MINDY3: variants seen among roughly 807,000 people sequenced by gnomAD.
MINDY3 encodes ubiquitin carboxyl-terminal hydrolase MINDY-3.
In MINDY3, 38 loss-of-function variants were observed where a neutral mutation model predicts 69.2. The ratio of observed to expected loss-of-function variants is 0.55; its 90% CI spans 0.42 to 0.72. The LOEUF is 0.72. MINDY3 is among the 30% of genes least tolerant of loss of function. The pLI, the probability that MINDY3 is intolerant of heterozygous loss-of-function variation, is 0.00. For synonymous variants in MINDY3, 192 were observed against 180.1 expected, an observed-to-expected ratio of 1.07 and a Z score of -0.53; for missense variants, 522 against 519.0, an observed-to-expected ratio of 1.01 and a Z score of -0.06.
intron 11 of MINDY3, among the ~76,000 whole-genome samples, chr10:15,791,001 A>G (rs1467141151): frequency 1.3e-5 from 2 of 152,266 alleles, no homozygotes; most frequent in East Asian, 3.9e-4. Flanking sequence ...CTTCTTAACA[A>G]CATGCTTATA....
intron 10 of MINDY3, among the ~76,000 whole-genome samples, chr10:15,803,104 A>C (rs1156485901): frequency 1.3e-5 from 2 of 152,178 alleles, no homozygotes; most frequent in African/African-American, 4.8e-5. Flanking sequence ...TCACTGTAGA[A>C]AATGATCTTT....
intron 10 of MINDY3, among the ~76,000 whole-genome samples, chr10:15,800,725 T>G (rs775938855): frequency 2.6e-5 from 4 of 152,150 alleles, no homozygotes; most frequent in Non-Finnish European, 4.4e-5. Flanking sequence ...GCTGCTGTGG[T>G]TGCTCACTAT....
intron 4 of MINDY3, among the ~76,000 whole-genome samples, chr10:15,838,483 T>C (rs1352444022): frequency 6.6e-6 from 1 of 151,798 alleles, no homozygotes; most frequent in Non-Finnish European, 1.5e-5. Flanking sequence ...ATCGATATAA[T>C]ACTGAGAATA....
In MINDY3 at chr10:15,786,661, A is replaced by G; in HGVS notation, c.1029-13T>C. 1.3e-6 allele frequency: 2 copies of G among 1,485,852 alleles called. No homozygotes were observed. The highest frequency in any genetic ancestry group is 1.9e-6 in the Non-Finnish European group (2 of 1,073,168). 92.0% of individuals were successfully genotyped at this position (1,485,852 alleles called of 1,614,324 possible). A position where few individuals can be genotyped will look rare whatever the true frequency, so the allele number is the denominator to read the frequency against. Reference sequence around the variant, plus strand: ...CATGAGATTTATACTACGGGGAGAAAGAAGAAAAACAGTGGATACCAGAGG... The same window carrying G: ...CATGAGATTTATACTACGGGGAGAAGGAAGAAAAACAGTGGATACCAGAGG... On this transcript the variant is annotated splice_polypyrimidine_tract_variant and intron_variant, in intron 12 of 14. Coordinates refer to ENST00000277632, the MANE Select transcript of MINDY3 (RefSeq NM_024948.4).
At position 15,782,220 on chromosome 10, in the gene MINDY3, T is replaced by G; in HGVS notation, c.1123A>C (p.Ser375Arg). The change falls in exon 14 of 15, where the codon AGT (serine) becomes CGT (arginine). Residue 375 changes from serine to arginine, a missense_variant. Transcript: ENST00000277632. ...TAGACAGTAAAAGATTCTGGACCAC[T>G]GGAGCCCTATTATAAATAAAGGACT... The part of the protein sequence containing the change: ...LQEFFPDQGS[S>R]GPESFTVYHY... 2 of 1,600,174 alleles carry G rather than the reference T, an allele frequency of 1.2e-6. No individual in the cohort carries two copies. The highest frequency in any genetic ancestry group is 1.7e-6 in the Non-Finnish European group (2 of 1,170,016).
intron 10 of MINDY3, among the ~76,000 whole-genome samples, chr10:15,796,970 T>C (rs183152676): frequency 6.0e-4 from 91 of 152,232 alleles, no homozygotes; most frequent in African/African-American, 2.1e-3. Context: ...TTGCCTATAA[T>C]GGTGTTTACT....
chr10:15,800,345 G>A (rs1023992092), intron 10 of MINDY3, among the ~76,000 whole-genome samples: 6 of 152,240 alleles, frequency 3.9e-5, no homozygotes, highest in Admixed American at 2.6e-4. Flanking sequence ...CGAATGTAAA[G>A]ATGCAGTATC....
At chr10:15,833,481 G>T in intron 8 of MINDY3, 149 bp downstream of exon 8, 1 of 508,212 alleles carries the variant, frequency 2.0e-6, no homozygotes. Context: ...TTAACATTAT[G>T]GTGCCTTGAA....
At chr10:15,802,485 C>G (rs1471524784) in intron 10 of MINDY3, among the ~76,000 whole-genome samples, 1 of 152,018 alleles carries the variant, frequency 6.6e-6, no homozygotes, top group African/African-American at 2.4e-5. Flanking sequence ...AACTCACTAT[C>G]AGAAGAACAG....
At chr10:15,791,589 T>A (rs74605863) in intron 11 of MINDY3, among the ~76,000 whole-genome samples, 1 of 151,852 alleles carries the variant, frequency 6.6e-6, no homozygotes, top group Non-Finnish European at 1.5e-5. Context: ...ACGGCTAGCA[T>A]GTACATACTG....
At position 15,847,488 on chromosome 10, in the gene MINDY3, A is replaced by G. The variant is rs140235145; in HGVS notation, c.174+376T>C. ...ATATGAAATCACCTTCAGCTTTAGG[A>G]AAGTAACTTTTACAGACTGAAATAA... On this transcript the variant is annotated intron_variant, in intron 2 of 14. Transcript: ENST00000277632. 3.5e-4 allele frequency among the ~76,000 whole-genome samples: 54 copies of G among 152,342 alleles called. No individual in the cohort carries two copies. In the Middle Eastern group the frequency reaches 0.01, roughly 29 times the overall value.
intron 2 of MINDY3, among the ~76,000 whole-genome samples, chr10:15,843,885 C>T (rs958087288): frequency 5.3e-5 from 8 of 152,092 alleles, no homozygotes; most frequent in Non-Finnish European, 2.9e-5. Flanking sequence ...TGTAGTTCAA[C>T]GGTAGCTATA....
chr10:15,823,249 G>A (rs1424605405), intron 8 of MINDY3, among the ~76,000 whole-genome samples: 1 of 152,180 alleles, frequency 6.6e-6, no homozygotes, highest in Non-Finnish European at 1.5e-5. Context: ...ATCAGGTAGA[G>A]CAATGGTTCT....
chr10:15,778,971 C>T lies in MINDY3; in HGVS notation c.*21G>A. ...TTTCAACATCTGTTATTAAGATCTT[C>T]CTTATAAATACTTAGACAAATTAAT... On this transcript the variant is annotated 3_prime_UTR_variant, in exon 15 of 15. Coordinates refer to ENST00000277632, the MANE Select transcript of MINDY3 (RefSeq NM_024948.4). The T allele has an allele frequency of 1.9e-6, 3 of 1,603,512 alleles. No homozygotes were observed. Among genetic ancestry groups the T allele is most frequent in the Non-Finnish European group, 8.5e-7 (1 of 1,173,250 alleles).
intron 1 of MINDY3, among the ~76,000 whole-genome samples, chr10:15,859,992 C>A (rs1332505183): frequency 6.6e-6 from 1 of 152,034 alleles, no homozygotes; most frequent in Non-Finnish European, 1.5e-5. Context: ...AAGAGCGCTG[C>A]GGGTATTTAG....
chr10:15,855,822 T>C (rs1043936265), intron 1 of MINDY3, among the ~76,000 whole-genome samples: 6 of 152,138 alleles, frequency 3.9e-5, no homozygotes, highest in Non-Finnish European at 4.4e-5. Flanking sequence ...ATTTGTTCTT[T>C]CCTATCTTTC....
rs758178221 is a variant in MINDY3, at chr10:15,837,326, A to G, written c.462-8T>C. The stretch of plus-strand genomic sequence containing the variant: ...CTTCTGAACGATCTTTTTCTGGGGG[A>G]AAAAAAGAATTAAGTATTGGTATCA... On this transcript the variant is annotated splice_region_variant and splice_polypyrimidine_tract_variant and intron_variant, in intron 5 of 14. Transcript: ENST00000277632. 2 of 1,548,910 alleles carry G rather than the reference A, an allele frequency of 1.3e-6. No homozygotes were observed. The highest frequency in any genetic ancestry group is 1.9e-5 in the Admixed American group (1 of 53,474).
intron 1 of MINDY3, among the ~76,000 whole-genome samples, chr10:15,851,406 C>G (rs1834288657): frequency 6.6e-6 from 1 of 152,050 alleles, no homozygotes; most frequent in Non-Finnish European, 1.5e-5. Context: ...TCACCCTTTG[C>G]CATTCTCCCT....
intron 1 of MINDY3, among the ~76,000 whole-genome samples, chr10:15,857,588 A>G (rs1022492923): frequency 6.6e-6 from 1 of 151,566 alleles, no homozygotes; most frequent in Non-Finnish European, 1.5e-5. Context: ...AAGCAGAGAG[A>G]AGAATAAATT....
Sources: gnomAD v4.1 joint callset for allele counts (sites outside exome capture counted in the v4.1 genomes callset) on GRCh38, gnomAD v4.1.1 for gene constraint, MANE v1.5 for transcripts, NCBI Gene and HGNC (gene_info 2026-07-23, HGNC 2026-07-21) for gene names.